The following RPAP2 variants were observed in gnomAD, a reference collection of about 807,000 sequenced individuals.
RPAP2 encodes the protein putative RNA polymerase II subunit B1 CTD phosphatase RPAP2.
Under a neutral mutation model 73.1 loss-of-function variants are expected in RPAP2, and 52 were observed. The observed-to-expected ratio is 0.71, with a 90% confidence interval of 0.57 to 0.90. The LOEUF (loss-of-function observed/expected upper bound fraction) is 0.90, where lower values mean the gene tolerates loss of function less well. Ranked by LOEUF, RPAP2 falls within the 40% of genes least tolerant of loss-of-function variation. The probability of loss-of-function intolerance (pLI) is 0.00; values close to 1 mark genes in which losing one functional copy is unlikely to be tolerated. For missense variants in RPAP2, 598 were observed against 701.8 expected, an observed-to-expected ratio of 0.85 and a Z score of 1.67; for synonymous variants, 225 against 242.1, an observed-to-expected ratio of 0.93 and a Z score of 0.65.
At chr1:92,338,111 C>T (rs1231165818) in intron 10 of RPAP2, among the ~76,000 whole-genome samples, 1 of 151,864 alleles carries the variant, frequency 6.6e-6, no homozygotes, top group African/African-American at 2.4e-5. Context: ...TTTTACACTT[C>T]AGTTGGCTGA....
chr1:92,330,506 G>T (rs770480497), intron 8 of RPAP2, among the ~76,000 whole-genome samples: 1 of 129,680 alleles, frequency 7.7e-6, no homozygotes, highest in Non-Finnish European at 1.5e-5. Context: ...GGAGTGCAAT[G>T]GTGCCATCTT....
At chr1:92,335,889 AACTGT>A in intron 9 of RPAP2, among the ~76,000 whole-genome samples, 1 of 152,244 alleles carries the variant, frequency 6.6e-6, no homozygotes, top group East Asian at 1.9e-4. Context: ...TTCATAGTAA[AACTGT>A]TGGGTCAAAC....
chr1:92,372,316 A>G (rs2101425733), intron 11 of RPAP2, among the ~76,000 whole-genome samples: 1 of 152,280 alleles, frequency 6.6e-6, no homozygotes, highest in Non-Finnish European at 1.5e-5. Flanking sequence ...CCCTTGCTCT[A>G]CAGTTTCCTT....
At chr1:92,313,457 T>TG (rs397699425) in intron 6 of RPAP2, among the ~76,000 whole-genome samples, 1 of 151,576 alleles carries the variant, frequency 6.6e-6, no homozygotes, top group Non-Finnish European at 1.5e-5. Flanking sequence ...TTTTTTTTTT[T>TG]GAGCAGTAGG....
At chr1:92,338,548 T>A (rs1448502770) in intron 10 of RPAP2, among the ~76,000 whole-genome samples, 1 of 152,172 alleles carries the variant, frequency 6.6e-6, no homozygotes, top group Non-Finnish European at 1.5e-5. Flanking sequence ...CACTGAAGTT[T>A]AGGATTTGTT....
chr1:92,303,612 A>G (rs1651014190), intron 3 of RPAP2, among the ~76,000 whole-genome samples: 1 of 152,086 alleles, frequency 6.6e-6, no homozygotes, highest in South Asian at 2.1e-4. Flanking sequence ...GATTTAGTTA[A>G]TTTTTTAAAT....
intron 6 of RPAP2, among the ~76,000 whole-genome samples, chr1:92,308,171 G>C (rs1291457378): frequency 6.6e-6 from 1 of 152,064 alleles, no homozygotes. Context: ...GCTGACAACA[G>C]CACCTGTGAT....
chr1:92,303,706 TATTTC>T (rs776760627), intron 3 of RPAP2, among the ~76,000 whole-genome samples: 2 of 152,340 alleles, frequency 1.3e-5, no homozygotes, highest in Non-Finnish European at 2.9e-5. Flanking sequence ...GCCTCAGAAT[TATTTC>T]ATTTAACTAT....
At chr1:92,386,186 T>C (rs1434201818) in intron 12 of RPAP2, among the ~76,000 whole-genome samples, 1 of 152,232 alleles carries the variant, frequency 6.6e-6, no homozygotes, top group Non-Finnish European at 1.5e-5. Context: ...ACTTTTGCTA[T>C]ATTCTGTTAG....
At chr1:92,360,191 T>C (rs1205113952) in intron 11 of RPAP2, among the ~76,000 whole-genome samples, 1 of 152,162 alleles carries the variant, frequency 6.6e-6, no homozygotes, top group East Asian at 1.9e-4. Context: ...TAAGTTTAAG[T>C]GTCAAGAAAA....
chr1:92,350,095 T>C (rs2101331942), intron 11 of RPAP2, among the ~76,000 whole-genome samples: 1 of 152,298 alleles, frequency 6.6e-6, no homozygotes, highest in Middle Eastern at 3.4e-3. Context: ...TCCCACTTCA[T>C]TTAGGTTTCT....
At chr1:92,379,983 G>C (rs1655553759) in intron 11 of RPAP2, among the ~76,000 whole-genome samples, 1 of 151,154 alleles carries the variant, frequency 6.6e-6, no homozygotes, top group Non-Finnish European at 1.5e-5. Context: ...ATGTTGACCA[G>C]GCATGGTGGC....
chr1:92,362,362 T>C (rs192406062), intron 11 of RPAP2, among the ~76,000 whole-genome samples: 1 of 152,184 alleles, frequency 6.6e-6, no homozygotes, highest in Non-Finnish European at 1.5e-5. Flanking sequence ...TTCAAATGCT[T>C]CCATTTTATT....
intron 8 of RPAP2, among the ~76,000 whole-genome samples, chr1:92,325,747 T>C (rs1652588058): frequency 6.6e-6 from 1 of 152,138 alleles, no homozygotes; most frequent in South Asian, 2.1e-4. Flanking sequence ...TCAGCACCTC[T>C]TTCCAAAATT....
intron 4 of RPAP2, 74 bp downstream of exon 4, chr1:92,304,149 A>G (rs1228673220): frequency 7.7e-7 from 1 of 1,299,298 alleles, no homozygotes; most frequent in Non-Finnish European, 1.1e-6. Context: ...TGTAAGAATA[A>G]GAAATAAAAC....
At chr1:92,373,745 A>AT (rs1655263562) in intron 11 of RPAP2, among the ~76,000 whole-genome samples, 7 of 128,292 alleles carry the variant, frequency 5.5e-5, no homozygotes, top group Non-Finnish European at 1.1e-4. Context: ...AAAATAAAAA[A>AT]AAAAAAAAAA....
Position 92,369,777 on chromosome 1 carries a change from C to A in RPAP2, c.1689-10947C>A, listed in dbSNP as rs145169008. On this transcript the variant is annotated intron_variant, in intron 11 of 12. Coordinates refer to ENST00000610020, the MANE Select transcript of RPAP2 (RefSeq NM_024813.3). ...TAAAGGAATAAGGAGAAAAGAGGAG[C>A]CTGGGGAGTCAATTTAACAAAAGAA... is the stretch of plus-strand genomic sequence containing the variant. Among the ~76,000 whole-genome samples, 38 of 152,104 alleles carry A rather than the reference C, an allele frequency of 2.5e-4. No homozygotes were observed. The East Asian group carries it at 7.3e-3, about 29-fold the overall frequency.
At position 92,392,280 on chromosome 1, in the gene RPAP2, A is replaced by G. The variant is rs1161329111; in HGVS notation, c.*5269A>G. The G allele has an allele frequency of 6.6e-6, 1 of 152,210 alleles. No homozygotes were observed. Among genetic ancestry groups the G allele is most frequent in the Non-Finnish European group, 1.5e-5 (1 of 68,034 alleles). 9.4% of individuals were successfully genotyped at this position (152,210 alleles called of 1,614,324 possible). On this transcript the variant is annotated 3_prime_UTR_variant, in exon 13 of 13. Transcript: ENST00000610020. ...TCACATAAACAGAACCAACGGCAAA[A>G]ACCACATGATTATCTCAATAGATAC...
chr1:92,313,440 A>C (rs1030954665), intron 6 of RPAP2, among the ~76,000 whole-genome samples: 2 of 103,682 alleles, frequency 1.9e-5, no homozygotes, highest in African/African-American at 6.0e-5. Flanking sequence ...TTTGGAAAGG[A>C]ATCTTTTTTT....
Sources: gnomAD v4.1 joint callset for allele counts (sites outside exome capture counted in the v4.1 genomes callset) on GRCh38, gnomAD v4.1.1 for gene constraint, MANE v1.5 for transcripts, NCBI Gene and HGNC (gene_info 2026-07-23, HGNC 2026-07-21) for gene names.